Variants in MALRD1 observed in about 807,000 individuals in gnomAD.
MALRD1 encodes the protein MAM and LDL-receptor class A domain-containing protein 1.
In MALRD1, 247 loss-of-function variants were observed where a neutral mutation model predicts 242.1. The ratio of observed to expected loss-of-function variants is 1.02; its 90% CI spans 0.92 to 1.13. The LOEUF (loss-of-function observed/expected upper bound fraction) is 1.13. Ranked by LOEUF, MALRD1 falls within the 50% of genes most tolerant of loss-of-function variation. The pLI is 0.00. For synonymous variants in MALRD1, 995 were observed against 866.6 expected, an observed-to-expected ratio of 1.15 and a Z score of -2.60; for missense variants, 2,989 against 2,533.1, an observed-to-expected ratio of 1.18 and a Z score of -3.86.
chr10:19,274,482 C>T (rs1054843625), intron 19 of MALRD1, among the ~76,000 whole-genome samples: 1 of 152,144 alleles, frequency 6.6e-6, no homozygotes, highest in Non-Finnish European at 1.5e-5. Flanking sequence ...AGAGAGCTTG[C>T]TTTTTCTCTC....
At chr10:19,183,521 C>T (rs1017355123) in intron 14 of MALRD1, among the ~76,000 whole-genome samples, 1 of 152,052 alleles carries the variant, frequency 6.6e-6, no homozygotes, top group Non-Finnish European at 1.5e-5. Flanking sequence ...GAATTTCAAA[C>T]ATTTAATATT....
intron 18 of MALRD1, among the ~76,000 whole-genome samples, chr10:19,255,932 A>C (rs193027071): frequency 6.6e-6 from 1 of 152,012 alleles, no homozygotes; most frequent in Non-Finnish European, 1.5e-5. Context: ...TAAATAGCCA[A>C]TTCTTTAATT....
At chr10:19,358,583 TGTG>T (rs1353682981) in intron 26 of MALRD1, among the ~76,000 whole-genome samples, 1 of 152,216 alleles carries the variant, frequency 6.6e-6, no homozygotes, top group Non-Finnish European at 1.5e-5. Context: ...GCTTACTAAC[TGTG>T]TGATGTCAGC....
chr10:19,397,550 G>A (rs1369083201), intron 28 of MALRD1, among the ~76,000 whole-genome samples: 1 of 152,068 alleles, frequency 6.6e-6, no homozygotes, highest in Admixed American at 6.6e-5. Flanking sequence ...ATAAACATGA[G>A]AGGACAGATA....
intron 5 of MALRD1, among the ~76,000 whole-genome samples, chr10:19,116,637 G>T (rs1316278337): frequency 6.6e-6 from 1 of 152,170 alleles, no homozygotes; most frequent in East Asian, 1.9e-4. Context: ...TGCAAGATAA[G>T]ATTTGAAGGA....
chr10:19,449,787 C>G (rs1038087280), intron 28 of MALRD1, among the ~76,000 whole-genome samples: 4 of 152,112 alleles, frequency 2.6e-5, no homozygotes, highest in African/African-American at 9.7e-5. Flanking sequence ...ACCTCCATGA[C>G]AGGAGTTTGC....
chr10:19,121,418 G>A (rs1837060637), intron 5 of MALRD1, among the ~76,000 whole-genome samples: 1 of 152,154 alleles, frequency 6.6e-6, no homozygotes, highest in South Asian at 2.1e-4. Flanking sequence ...TAAAAAAACT[G>A]TTATTGACAT....
chr10:19,190,687 C>T (rs921402977), intron 14 of MALRD1, among the ~76,000 whole-genome samples: 2 of 149,022 alleles, frequency 1.3e-5, no homozygotes, highest in African/African-American at 5.0e-5. Flanking sequence ...GCAAAGGTAC[C>T]AACACCATTC....
chr10:19,103,558 A>AAAAAT lies in MALRD1; in HGVS notation c.598-417_598-416insTAAAA, dbSNP rs552016403. Among the ~76,000 whole-genome samples, 21 of 149,236 alleles carry AAAAAT rather than the reference A, an allele frequency of 1.4e-4. No individual in the cohort carries two copies. The East Asian group carries it at 2.4e-3, about 17-fold the overall frequency. The stretch of plus-strand genomic sequence containing the variant: ...AAAAGCGAGACTCCGTCTCAAAAAA[A>AAAAAT]AAAAAAATAAATAAAGATTTAGAGA... On this transcript the variant is annotated intron_variant, in intron 4 of 39. Transcript: ENST00000454679.
rs146761729 is a variant in MALRD1 at position 19,085,086 on chromosome 10, A to G, written c.341-2754A>G. Among the ~76,000 whole-genome samples, 340 of 152,092 alleles carry G rather than the reference A, an allele frequency of 2.2e-3. 1 individual carries two copies. The highest frequency in any genetic ancestry group is 7.9e-3 in the African/African-American group (328 of 41,526). On this transcript the variant is annotated intron_variant, in intron 2 of 39. Coordinates refer to ENST00000454679, the MANE Select transcript of MALRD1 (RefSeq NM_001142308.3). ...TGTGTATTACTAGGCTGCTAAAGGA[A>G]GTACAAGAGGTTTATAGAGAGAATA...
chr10:19,538,864 G>A (rs1402122716), intron 32 of MALRD1, among the ~76,000 whole-genome samples: 1 of 151,910 alleles, frequency 6.6e-6, no homozygotes, highest in Admixed American at 6.6e-5. Flanking sequence ...TCCGGAAACC[G>A]ATAGTTCGTA....
At chr10:19,543,738 G>T (rs1835085982) in intron 32 of MALRD1, among the ~76,000 whole-genome samples, 1 of 152,010 alleles carries the variant, frequency 6.6e-6, no homozygotes, top group Admixed American at 6.6e-5. Flanking sequence ...CAAACCAATG[G>T]AGAATTCTTG....
chr10:19,532,320 T>C (rs890241243), intron 32 of MALRD1, among the ~76,000 whole-genome samples: 2 of 152,198 alleles, frequency 1.3e-5, no homozygotes, highest in Non-Finnish European at 2.9e-5. Context: ...AGTGGTGCGA[T>C]CTCAGTTCAC....
intron 36 of MALRD1, among the ~76,000 whole-genome samples, chr10:19,632,018 G>T (rs12573777): frequency 0.34 from 51,604 of 152,042 alleles, 9,736 homozygotes; most frequent in Non-Finnish European, 0.43. Context: ...GGTAGAAAGA[G>T]AATTCAAGCC....
At chr10:19,526,356 CA>C (rs34959840) in intron 31 of MALRD1, among the ~76,000 whole-genome samples, 30 of 146,668 alleles carry the variant, frequency 2.0e-4, no homozygotes, top group East Asian at 6.0e-4. Flanking sequence ...TATGATTCTC[CA>C]AAAAAAAAAT....
At chr10:19,395,824 T>C (rs1315058113) in intron 28 of MALRD1, among the ~76,000 whole-genome samples, 1 of 152,238 alleles carries the variant, frequency 6.6e-6, no homozygotes, top group Non-Finnish European at 1.5e-5. Context: ...AAACTTCTTC[T>C]GTTCCCATGT....
intron 21 of MALRD1, chr10:19,291,538 A>T (rs1443287174): frequency 6.6e-6 from 1 of 150,950 alleles, no homozygotes; most frequent in Non-Finnish European, 1.5e-5. Flanking sequence ...ATGACACTTT[A>T]TCTCTAAAAA....
intron 18 of MALRD1, among the ~76,000 whole-genome samples, chr10:19,216,493 G>A (rs1172560592): frequency 6.6e-6 from 1 of 151,578 alleles, no homozygotes; most frequent in Non-Finnish European, 1.5e-5. Context: ...CCCACTCCCT[G>A]TTTCCTTCCT....
chr10:19,199,993 G>T lies in MALRD1; in HGVS notation c.1952-3735G>T, dbSNP rs544290820. On this transcript the variant is annotated intron_variant, in intron 14 of 39. Coordinates refer to ENST00000454679, the MANE Select transcript of MALRD1 (RefSeq NM_001142308.3). ...TTTTTAAAAAAATTATCCAGTTGTG[G>T]TGGCATGCACCTGTGTTCCCAGCTA... Among the ~76,000 whole-genome samples the T allele has an allele frequency of 1.6e-4, 25 of 152,082 alleles. No homozygotes were observed. In the South Asian group the frequency reaches 5.0e-3, roughly 30 times the overall value.
Sources: allele counts gnomAD v4.1 joint callset (sites outside exome capture counted in the v4.1 genomes callset), GRCh38; gene constraint gnomAD v4.1.1; transcripts MANE v1.5; gene names NCBI Gene and HGNC (gene_info 2026-07-23, HGNC 2026-07-21).